The following KCNIP1 variants were observed in gnomAD, a reference collection of about 807,000 sequenced individuals.
KCNIP1 encodes potassium voltage-gated channel interacting protein 1, also known as A-type potassium channel modulatory protein KCNIP1.
In KCNIP1, 18 loss-of-function variants were observed where a neutral mutation model predicts 33.0. The observed-to-expected ratio is 0.55, with a 90% CI of 0.38 to 0.81. KCNIP1 has a LOEUF of 0.81. Ranked by LOEUF, KCNIP1 falls within the 30% of genes least tolerant of loss-of-function variation. The pLI is 0.00. For synonymous variants in KCNIP1, 93 were observed against 98.3 expected (o/e 0.95, Z 0.32); for missense variants, 238 against 271.6 (o/e 0.88, Z 0.87).
chr5:170,633,669 G>C (rs1186452178), intron 1 of KCNIP1, among the ~76,000 whole-genome samples: 1 of 134,282 alleles, frequency 7.4e-6, no homozygotes, highest in Non-Finnish European at 1.6e-5. Flanking sequence ...GAGAGATGGC[G>C]GTGGGCGGAA....
rs28577044 is a variant in KCNIP1 at position 170,586,048 on chromosome 5, C to T, written c.61+81415C>T. On this transcript the variant is annotated intron_variant, in intron 1 of 7. Coordinates refer to ENST00000328939, the MANE Select transcript of KCNIP1 (RefSeq NM_014592.4). The stretch of plus-strand genomic sequence containing the variant: ...CCTTCTGCCTCACTGCTGGGCAGGC[C>T]GGGCAACATGCCTGAATCTCAGTGC... Among the ~76,000 whole-genome samples the T allele has an allele frequency of 4.9e-3, 740 of 152,222 alleles. 8 individuals are homozygous for T. The highest frequency in any genetic ancestry group is 0.017 in the African/African-American group (689 of 41,518).
At chr5:170,506,277 C>T (rs1038124841) in intron 1 of KCNIP1, among the ~76,000 whole-genome samples, 37 of 152,164 alleles carry the variant, frequency 2.4e-4, no homozygotes, top group African/African-American at 8.9e-4. Context: ...AGGAAAGTCC[C>T]CCGCACCTCC....
intron 1 of KCNIP1, among the ~76,000 whole-genome samples, chr5:170,671,249 C>T (rs1761911126): frequency 6.6e-6 from 1 of 152,140 alleles, no homozygotes; most frequent in African/African-American, 2.4e-5. Context: ...CCCCTGGGTG[C>T]CTCCCAACCT....
chr5:170,600,193 C>T (rs1481490861), intron 1 of KCNIP1, among the ~76,000 whole-genome samples: 3 of 152,182 alleles, frequency 2.0e-5, no homozygotes, highest in East Asian at 3.9e-4. Context: ...CTGGTCCTTA[C>T]GCTACTGTTC....
chr5:170,353,939 G>C (rs1763278164), exon 1 of KCNIP1: 2 of 1,614,232 alleles, frequency 1.2e-6, no homozygotes, highest in South Asian at 2.2e-5. Context: ...CCATCTTTAA[G>C]CTCATCACTG....
chr5:170,721,993 C>A, intron 4 of KCNIP1, 90 bp downstream of exon 4: 2 of 1,432,630 alleles, frequency 1.4e-6, no homozygotes, highest in Non-Finnish European at 1.9e-6. Context: ...AGGTCTGGAC[C>A]ATCAAAAGCT....
intron 1 of KCNIP1, chr5:170,377,983 C>T (rs1764076574): frequency 6.6e-6 from 1 of 152,162 alleles, no homozygotes; most frequent in African/African-American, 2.4e-5. Flanking sequence ...ACTCTTTCAA[C>T]TTTTCCAAAA....
At chr5:170,633,363 A>T (rs1581423738) in intron 1 of KCNIP1, among the ~76,000 whole-genome samples, 1 of 151,948 alleles carries the variant, frequency 6.6e-6, no homozygotes, top group African/African-American at 2.4e-5. Context: ...AGCAAATTTT[A>T]AAAATTAAGT....
At chr5:170,721,232 G>A (rs1188912988) in intron 3 of KCNIP1, among the ~76,000 whole-genome samples, 2 of 152,196 alleles carry the variant, frequency 1.3e-5, no homozygotes, top group Non-Finnish European at 1.5e-5. Flanking sequence ...CAGATCAGGT[G>A]GGGGAGGCAG....
intron 1 of KCNIP1, among the ~76,000 whole-genome samples, chr5:170,636,288 G>A (rs1168820506): frequency 2.0e-5 from 3 of 152,222 alleles, no homozygotes; most frequent in Admixed American, 6.5e-5. Context: ...AATGAGAGTC[G>A]AAAGAGAAGA....
intron 1 of KCNIP1, among the ~76,000 whole-genome samples, chr5:170,693,103 A>G (rs764604971): frequency 2.0e-5 from 3 of 152,230 alleles, no homozygotes; most frequent in Non-Finnish European, 2.9e-5. Context: ...GGGAATTGAC[A>G]TTCAGGGAAT....
intron 1 of KCNIP1, chr5:170,712,748 T>TGGACGACGTGGACA (rs1763496589): frequency 9.7e-7 from 1 of 1,031,702 alleles, no homozygotes; most frequent in Non-Finnish European, 1.5e-6. Flanking sequence ...TATGTCAAGC[T>TGGACGACGTGGACA]GGACGACGTG....
intron 1 of KCNIP1, among the ~76,000 whole-genome samples, chr5:170,401,427 TAAG>T (rs1296811467): frequency 6.6e-6 from 1 of 152,148 alleles, no homozygotes; most frequent in African/African-American, 2.4e-5. Context: ...ACTCTGTCTC[TAAG>T]GAGGGAAGTG....
rs1318482810 is a variant in KCNIP1, at chr5:170,489,511, C to A, written c.88+135547C>A. ...CTCCTTCTTTCTCCATATTGCTAGACCCCCTTCTCTTGGTCCCCTGCCTCC... is the reference window on the plus strand; with the variant it reads ...CTCCTTCTTTCTCCATATTGCTAGAACCCCTTCTCTTGGTCCCCTGCCTCC... On this transcript the variant is annotated intron_variant, in intron 1 of 7. Coordinates refer to the KCNIP1 transcript ENST00000377360. The surrounding 1 kb of genome is among the most constrained non-coding windows in gnomAD (Gnocchi z 4.3). 6.6e-6 allele frequency among the ~76,000 whole-genome samples: 1 copy of A among 152,172 alleles called. No homozygotes were observed. The highest frequency in any genetic ancestry group is 6.5e-5 in the Admixed American group (1 of 15,286).
intron 1 of KCNIP1, among the ~76,000 whole-genome samples, chr5:170,575,017 G>A (rs1412182382): frequency 6.6e-6 from 1 of 152,140 alleles, no homozygotes; most frequent in Non-Finnish European, 1.5e-5. Flanking sequence ...GGAAAAAAGA[G>A]CCCTGGGAGA....
At chr5:170,583,350 T>C (rs1415881473) in intron 1 of KCNIP1, among the ~76,000 whole-genome samples, 2 of 152,206 alleles carry the variant, frequency 1.3e-5, no homozygotes, top group African/African-American at 4.8e-5. Context: ...AAAGTTTACT[T>C]ATTTATAACC....
At chr5:170,365,111 A>G (rs1460255964) in intron 1 of KCNIP1, among the ~76,000 whole-genome samples, 1 of 152,142 alleles carries the variant, frequency 6.6e-6, no homozygotes, top group Non-Finnish European at 1.5e-5. Context: ...CCTGGCCTTG[A>G]CTACTTCCCC....
intron 1 of KCNIP1, among the ~76,000 whole-genome samples, chr5:170,495,615 A>T (rs963538147): frequency 6.6e-6 from 1 of 152,224 alleles, no homozygotes; most frequent in Non-Finnish European, 1.5e-5. Context: ...GAGGTGGAGG[A>T]CAAGGGCAAA....
chr5:170,720,252 G>A, intron 2 of KCNIP1, 69 bp from the exon 3 acceptor site: 1 of 1,138,630 alleles, frequency 8.8e-7, no homozygotes, highest in Non-Finnish European at 1.3e-6. Context: ...CAGACACCAA[G>A]GCTGGGCCCA....
Sources: gnomAD v4.1 joint callset for allele counts (sites outside exome capture counted in the v4.1 genomes callset) on GRCh38, gnomAD v4.1.1 for gene constraint, Gnocchi (gnomAD v3.1) non-coding constraint, MANE v1.5 for transcripts, NCBI Gene and HGNC (gene_info 2026-07-23, HGNC 2026-07-21) for gene names.